FOXO1: variants seen among roughly 807,000 people sequenced by gnomAD.
The protein encoded by FOXO1 is forkhead box protein O1.
In FOXO1, 6 loss-of-function variants were observed where a neutral mutation model predicts 44.1. The ratio of observed to expected loss-of-function variants is 0.14; its 90% CI spans 0.07 to 0.27. The LOEUF (loss-of-function observed/expected upper bound fraction) is 0.27. Among genes scored for constraint, FOXO1 ranks in the 10% least tolerant of loss-of-function variants. The pLI is 1.00. For missense variants in FOXO1, 737 were observed against 888.8 expected (o/e 0.83, Z 2.17); for synonymous variants, 380 against 362.7 (o/e 1.05, Z -0.54).
At chr13:40,592,258 G>A (rs1287721485) in intron 1 of FOXO1, among the ~76,000 whole-genome samples, 1 of 151,986 alleles carries the variant, frequency 6.6e-6, no homozygotes, top group Non-Finnish European at 1.5e-5. Context: ...CTAAATTCCA[G>A]ACAAACTAAT....
At chr13:40,638,176 T>C (rs968249572) in intron 1 of FOXO1, among the ~76,000 whole-genome samples, 2 of 152,166 alleles carry the variant, frequency 1.3e-5, no homozygotes, top group Non-Finnish European at 2.9e-5. Flanking sequence ...ACAGCAAGGA[T>C]TGGTTTAGGG....
chr13:40,658,884 C>A (rs1053649425), intron 1 of FOXO1, among the ~76,000 whole-genome samples: 1 of 151,954 alleles, frequency 6.6e-6, no homozygotes, highest in Admixed American at 6.6e-5. Flanking sequence ...TGGTGGTGGG[C>A]GCCTGTAGTC....
intron 1 of FOXO1, chr13:40,618,877 C>T (rs1289081864): frequency 1.1e-5 from 6 of 526,192 alleles, no homozygotes; most frequent in Non-Finnish European, 1.9e-5. Context: ...TGAAGATTAT[C>T]GGCTTATGAG....
At chr13:40,619,791 T>G (rs1876547424) in intron 1 of FOXO1, 1 of 786,608 alleles carries the variant, frequency 1.3e-6, no homozygotes, top group African/African-American at 1.7e-5. Context: ...CCAGAGCTAG[T>G]GCTTCACGCA....
intron 1 of FOXO1, among the ~76,000 whole-genome samples, chr13:40,567,301 G>A (rs1874306855): frequency 6.6e-6 from 1 of 151,712 alleles, no homozygotes; most frequent in Non-Finnish European, 1.5e-5. Flanking sequence ...CATACCCCGT[G>A]TTTTATATTT....
intron 1 of FOXO1, among the ~76,000 whole-genome samples, chr13:40,573,422 T>G (rs2137840313): frequency 6.6e-6 from 1 of 152,274 alleles, no homozygotes; most frequent in Non-Finnish European, 1.5e-5. Flanking sequence ...GAACCACATT[T>G]AGATGACTTG....
intron 1 of FOXO1, among the ~76,000 whole-genome samples, chr13:40,630,372 C>G (rs1439030816): frequency 1.3e-5 from 2 of 152,012 alleles, no homozygotes; most frequent in Non-Finnish European, 2.9e-5. Flanking sequence ...ATGGAAAAAC[C>G]AGCCTGGTGC....
At chr13:40,648,661 AAAC>A (rs1172161365) in intron 1 of FOXO1, among the ~76,000 whole-genome samples, 1 of 152,192 alleles carries the variant, frequency 6.6e-6, no homozygotes, top group Non-Finnish European at 1.5e-5. Context: ...ACAGGAAACA[AAAC>A]AAGGGAATTC....
At chr13:40,664,988 C>G (rs1878176489) in intron 1 of FOXO1, among the ~76,000 whole-genome samples, 1 of 151,958 alleles carries the variant, frequency 6.6e-6, no homozygotes, top group African/African-American at 2.4e-5. Flanking sequence ...GAGGCCACTC[C>G]GGAGAAAACC....
intron 1 of FOXO1, among the ~76,000 whole-genome samples, chr13:40,585,876 A>G (rs761560611): frequency 6.6e-6 from 1 of 152,242 alleles, no homozygotes; most frequent in African/African-American, 2.4e-5. Context: ...TGTTTGATTT[A>G]GTACGTAAGT....
chr13:40,644,325 T>C (rs1172085919), intron 1 of FOXO1, among the ~76,000 whole-genome samples: 7 of 152,146 alleles, frequency 4.6e-5, no homozygotes, highest in Non-Finnish European at 8.8e-5. Flanking sequence ...TCCTCTCACC[T>C]CACCGCACCC....
intron 1 of FOXO1, among the ~76,000 whole-genome samples, chr13:40,566,021 C>A (rs1299121963): frequency 6.6e-6 from 1 of 152,190 alleles, no homozygotes; most frequent in East Asian, 1.9e-4. Flanking sequence ...TGTCAGTGCC[C>A]TGGTCAGCCA....
In FOXO1 at chr13:40,665,706, G is replaced by T. The variant is rs768939025; in HGVS notation, c.507C>A (p.Ile169=). 2 of 1,540,094 alleles carry T rather than the reference G, an allele frequency of 1.3e-6. No individual in the cohort carries two copies. Among genetic ancestry groups the T allele is most frequent in the Non-Finnish European group, 1.8e-6 (2 of 1,138,946 alleles). ...AWGNLSYADL[I]TKAIESSAEK... ...CCGCCGAGCTCTCGATGGCCTTGGT[G>T]ATGAGGTCGGCGTAGGACAGGTTGC... is the stretch of plus-strand genomic sequence containing the variant. The change falls in exon 1 of 3, where the codon ATC becomes ATA. Residue 169 remains isoleucine (I), a synonymous_variant. Coordinates refer to ENST00000379561, the MANE Select transcript of FOXO1 (RefSeq NM_002015.4).
chr13:40,595,380 T>A (rs1258266650), intron 1 of FOXO1, among the ~76,000 whole-genome samples: 4 of 152,162 alleles, frequency 2.6e-5, no homozygotes, highest in Non-Finnish European at 5.9e-5. Context: ...GATCTATCTA[T>A]CCTGTCAAAA....
At chr13:40,649,507 C>G (rs555957526) in intron 1 of FOXO1, among the ~76,000 whole-genome samples, 1 of 152,220 alleles carries the variant, frequency 6.6e-6, no homozygotes, top group Non-Finnish European at 1.5e-5. Context: ...GTCTAAGAAA[C>G]ATAACCATCA....
At chr13:40,628,024 C>T (rs2137909703) in intron 1 of FOXO1, among the ~76,000 whole-genome samples, 1 of 152,028 alleles carries the variant, frequency 6.6e-6, no homozygotes, top group African/African-American at 2.4e-5. Context: ...AATCTATGTA[C>T]CTACAAATAC....
chr13:40,594,405 G>A (rs2137869848), intron 1 of FOXO1, among the ~76,000 whole-genome samples: 1 of 152,284 alleles, frequency 6.6e-6, no homozygotes, highest in Admixed American at 6.5e-5. Context: ...CAGGGTTAAG[G>A]AAACTGAGGC....
In FOXO1 at chr13:40,666,439, C is replaced by G. The variant is rs1211184468; in HGVS notation, c.-227G>C. The G allele has an allele frequency of 2.8e-5, 11 of 394,368 alleles. No homozygotes were observed. The East Asian group carries it at 4.1e-4, about 15-fold the overall frequency. The allele number at this position is 394,368 out of a possible 1,614,324, so 24.4% of individuals were successfully genotyped here. A position where few individuals can be genotyped will look rare whatever the true frequency, so the allele number is the denominator to read the frequency against. ...TCGAGGCTCCTCGGGGTCCGCCGCA[C>G]GGACTGGACGGCCGGCCAGAGCCGC... On this transcript the variant is annotated 5_prime_UTR_variant, in exon 1 of 3. Transcript: ENST00000379561.
At position 40,607,325 on chromosome 13, in the gene FOXO1, T is replaced by C. The variant is rs1459704200; in HGVS notation, c.631-46465A>G. 2.6e-5 allele frequency among the ~76,000 whole-genome samples: 4 copies of C among 152,354 alleles called. No homozygotes were observed. The South Asian group carries it at 8.3e-4, about 32-fold the overall frequency. On this transcript the variant is annotated intron_variant, in intron 1 of 2. Transcript: ENST00000379561. ...ATCAAATGTCTATGTCAATCTTGCT[T>C]GGATGAACACTCCCAATCCTCTGAA...
Sources: gnomAD v4.1 joint callset for allele counts (sites outside exome capture counted in the v4.1 genomes callset) on GRCh38, gnomAD v4.1.1 for gene constraint, MANE v1.5 for transcripts, NCBI Gene and HGNC (gene_info 2026-07-23, HGNC 2026-07-21) for gene names.